The following PRKN variants were observed in gnomAD, a reference collection of about 807,000 sequenced individuals.
The protein encoded by PRKN is parkin RBR E3 ubiquitin protein ligase.
Under a neutral mutation model 59.5 loss-of-function variants are expected in PRKN, and 56 were observed. The observed-to-expected ratio is 0.94, with a 90% confidence interval of 0.76 to 1.18. PRKN has a LOEUF of 1.18. PRKN is among the 50% of genes most tolerant of loss of function. PRKN has a pLI of 0.00. For missense variants in PRKN, 657 were observed against 596.4 expected (o/e 1.10, Z -1.06); for synonymous variants, 250 against 222.1 (o/e 1.13, Z -1.12).
intron 1 of PRKN, among the ~76,000 whole-genome samples, chr6:162,658,082 G>A (rs1255326430): frequency 6.6e-6 from 1 of 152,128 alleles, no homozygotes; most frequent in Admixed American, 6.5e-5. Flanking sequence ...CCTCTGCATG[G>A]TACAACATCC....
chr6:161,452,170 T>C (rs1583086888), intron 9 of PRKN, among the ~76,000 whole-genome samples: 1 of 149,966 alleles, frequency 6.7e-6, no homozygotes, highest in African/African-American at 2.5e-5. Context: ...GCTAGGCTGG[T>C]GTCGAAGTCC....
intron 2 of PRKN, among the ~76,000 whole-genome samples, chr6:162,376,442 G>A (rs570975616): frequency 9.2e-5 from 14 of 151,726 alleles, no homozygotes; most frequent in East Asian, 2.0e-4. Context: ...ATGTTTCCCC[G>A]CCGTGTAGAA....
intron 1 of PRKN, among the ~76,000 whole-genome samples, chr6:162,468,588 T>C (rs530672171): frequency 9.2e-5 from 14 of 152,316 alleles, no homozygotes; most frequent in South Asian, 6.2e-4. Context: ...GGAATGCAGA[T>C]TGGATGGTAG....
At chr6:162,505,234 A>G (rs1215275305) in intron 1 of PRKN, among the ~76,000 whole-genome samples, 1 of 151,064 alleles carries the variant, frequency 6.6e-6, no homozygotes, top group Non-Finnish European at 1.5e-5. Context: ...GTAAACACGT[A>G]CAAGGATTTT....
rs1782347341 is a variant in PRKN at position 162,615,070 on chromosome 6, CAATAA to C, written c.7+112587_7+112591del. Reference sequence around the variant, plus strand: ...TATGTCTTAATGAGAGGATTAAAAACAATAAAAATGTGCTTATTGCAAAATATGAG... The same window carrying C: ...TATGTCTTAATGAGAGGATTAAAAACAAATGTGCTTATTGCAAAATATGAG... On this transcript the variant is annotated intron_variant, in intron 1 of 11. Coordinates refer to ENST00000366898, the MANE Select transcript of PRKN (RefSeq NM_004562.3). Among the ~76,000 whole-genome samples the C allele has an allele frequency of 3.9e-5, 6 of 152,180 alleles. No individual in the cohort carries two copies. In the South Asian group the frequency reaches 1.2e-3, roughly 32 times the overall value.
intron 5 of PRKN, among the ~76,000 whole-genome samples, chr6:162,023,536 G>A (rs186996442): frequency 5.9e-5 from 9 of 151,982 alleles, no homozygotes; most frequent in Non-Finnish European, 1.0e-4. Flanking sequence ...GGTGTTTGTC[G>A]GTGTGCTCTT....
intron 4 of PRKN, among the ~76,000 whole-genome samples, chr6:162,134,325 T>A (rs1274665579): frequency 6.6e-6 from 1 of 152,214 alleles, no homozygotes; most frequent in Non-Finnish European, 1.5e-5. Flanking sequence ...CACCAGACTT[T>A]GGGTTAAAGG....
At chr6:162,679,563 T>C (rs2803086) in intron 1 of PRKN, among the ~76,000 whole-genome samples, 48,423 of 152,018 alleles carry the variant, frequency 0.32, 8,560 homozygotes, top group Non-Finnish European at 0.41. Context: ...AACATTTAAG[T>C]CTATTGTTTG....
chr6:161,882,725 T>TG (rs1201813698), intron 6 of PRKN, among the ~76,000 whole-genome samples: 2 of 152,154 alleles, frequency 1.3e-5, no homozygotes, highest in African/African-American at 2.4e-5. Flanking sequence ...ACTCCACGGC[T>TG]GGGCGCGGTG....
rs1794540171 is a variant in PRKN at position 161,874,285 on chromosome 6, T to TGTAAA, written c.735-88378_735-88377insTTTAC. Among the ~76,000 whole-genome samples, 5 of 35,924 alleles carry TGTAAA rather than the reference T, an allele frequency of 1.4e-4. 1 individual carries two copies. The highest frequency in any genetic ancestry group is 2.0e-4 in the Non-Finnish European group (4 of 20,006). 23.6% of individuals were successfully genotyped at this position (35,924 alleles called of 152,430 possible). ...TGTAAAATATATAATATATATTATA[T>TGTAAA]ATTATATATTACATGTAAAATATTA... On this transcript the variant is annotated intron_variant, in intron 6 of 11. Transcript: ENST00000366898.
intron 7 of PRKN, among the ~76,000 whole-genome samples, chr6:161,759,418 C>T (rs765701925): frequency 6.6e-6 from 1 of 151,934 alleles, no homozygotes; most frequent in Non-Finnish European, 1.5e-5. Context: ...TCAGAAAGTA[C>T]CAAAAAGCCA....
intron 1 of PRKN, among the ~76,000 whole-genome samples, chr6:162,448,690 G>A (rs1440752293): frequency 6.6e-6 from 1 of 152,044 alleles, no homozygotes; most frequent in Admixed American, 6.5e-5. Flanking sequence ...GTCTGAATCT[G>A]TGTATTCTCC....
intron 3 of PRKN, among the ~76,000 whole-genome samples, chr6:162,253,279 A>T (rs112770148): frequency 2.5e-4 from 37 of 149,528 alleles, no homozygotes; most frequent in African/African-American, 9.2e-4. Context: ...AACAGGCAAC[A>T]AATCTAATCT....
At chr6:161,948,895 T>C (rs779853053) in intron 6 of PRKN, among the ~76,000 whole-genome samples, 53 of 152,214 alleles carry the variant, frequency 3.5e-4, no homozygotes, top group Non-Finnish European at 5.1e-4. Context: ...TATCCGTACA[T>C]GTTCTCATGT....
intron 7 of PRKN, among the ~76,000 whole-genome samples, chr6:161,587,845 T>C (rs1781574550): frequency 6.6e-6 from 1 of 152,130 alleles, no homozygotes; most frequent in African/African-American, 2.4e-5. Context: ...GTATCTAATA[T>C]ATTCTGAGCA....
At chr6:162,182,256 C>T (rs1200016391) in intron 4 of PRKN, among the ~76,000 whole-genome samples, 7 of 152,092 alleles carry the variant, frequency 4.6e-5, no homozygotes, top group Non-Finnish European at 8.8e-5. Context: ...GGAGATCAAA[C>T]GCTACACTTA....
chr6:162,161,815 C>A (rs1052738681), intron 4 of PRKN, among the ~76,000 whole-genome samples: 2 of 152,160 alleles, frequency 1.3e-5, no homozygotes, highest in African/African-American at 4.8e-5. Flanking sequence ...AAATAAGATA[C>A]TTTGCTAGAG....
At chr6:162,594,388 T>C (rs1017268293) in intron 1 of PRKN, among the ~76,000 whole-genome samples, 6 of 152,236 alleles carry the variant, frequency 3.9e-5, no homozygotes, top group Admixed American at 2.0e-4. Context: ...ATTCATGATA[T>C]GATATCCACT....
chr6:161,757,841 CT>C (rs1788997629), intron 7 of PRKN, among the ~76,000 whole-genome samples: 1 of 81,574 alleles, frequency 1.2e-5, no homozygotes, highest in African/African-American at 6.1e-5. Flanking sequence ...CCATCTCTCT[CT>C]CTCTCTCTCT....
Sources: allele counts gnomAD v4.1 joint callset (sites outside exome capture counted in the v4.1 genomes callset), GRCh38; gene constraint gnomAD v4.1.1; transcripts MANE v1.5; gene names NCBI Gene and HGNC (gene_info 2026-07-23, HGNC 2026-07-21).